Variants in TRIM31 observed in about 807,000 individuals in gnomAD.
TRIM31 encodes tripartite motif containing 31.
In TRIM31, 31 loss-of-function variants were observed where a neutral mutation model predicts 40.6. The ratio of observed to expected loss-of-function variants is 0.76; its 90% CI spans 0.57 to 1.03. TRIM31 has a LOEUF of 1.03. TRIM31 is among the 50% of genes least tolerant of loss of function. The pLI is 0.00. For missense variants in TRIM31, 455 were observed against 497.5 expected (o/e 0.91, Z 0.81); for synonymous variants, 164 against 193.9 (o/e 0.85, Z 1.28).
chr6:30,103,904 C>T (rs1768441254), intron 8 of TRIM31, 115 bp from the exon 9 acceptor site: 7 of 1,512,638 alleles, frequency 4.6e-6, no homozygotes, highest in Non-Finnish European at 5.4e-6. Context: ...GGAGGTGAAA[C>T]TCAAGAAAGT....
intron 1 of TRIM31, 70 bp downstream of exon 1, chr6:30,112,994 T>G: frequency 1.8e-6 from 1 of 548,844 alleles, no homozygotes; most frequent in Non-Finnish European, 3.1e-6. Context: ...AATAAAGAAA[T>G]GATAGAAAAG....
chr6:30,107,964 G>A (rs1488375216), intron 6 of TRIM31, 89 bp downstream of exon 6: 3 of 883,292 alleles, frequency 3.4e-6, no homozygotes, highest in Non-Finnish European at 5.4e-6. Flanking sequence ...TTGTTGGCAT[G>A]TATGAGTCAC....
intron 2 of TRIM31, 142 bp from the exon 3 acceptor site, chr6:30,111,885 C>T (rs1769368763): frequency 4.0e-6 from 3 of 747,312 alleles, no homozygotes; most frequent in Non-Finnish European, 6.7e-6. Flanking sequence ...CTCAAGCTGG[C>T]GGGGAAAGGG....
At chr6:30,105,403 G>A (rs1009403842) in intron 6 of TRIM31, 161 bp from the exon 7 acceptor site, 16 of 596,800 alleles carry the variant, frequency 2.7e-5, no homozygotes, top group Non-Finnish European at 2.9e-6. Flanking sequence ...CAACCCTTGA[G>A]AGATGCCCTT....
At chr6:30,111,484 C>T in intron 3 of TRIM31, 164 bp downstream of exon 3, 1 of 653,496 alleles carries the variant, frequency 1.5e-6, no homozygotes, top group Non-Finnish European at 2.6e-6. Context: ...AATAGCGAGG[C>T]CGACGCGGGA....
chr6:30,108,559 C>CAAAAAAA (rs28381623), intron 5 of TRIM31, among the ~76,000 whole-genome samples: 1 of 96,608 alleles, frequency 1.0e-5, no homozygotes, highest in African/African-American at 4.3e-5. Flanking sequence ...AGCTCCATCT[C>CAAAAAAA]AAAAAAAAAA....
chr6:30,112,253 G>T, intron 2 of TRIM31, 136 bp downstream of exon 2: 2 of 947,634 alleles, frequency 2.1e-6, no homozygotes, highest in Non-Finnish European at 1.6e-6. Context: ...CACTGTGCCT[G>T]ACTGCGAGCT....
chr6:30,105,192 T>C lies in TRIM31; in HGVS notation c.934A>G (p.Met312Val). Residue 312 changes from methionine to valine, a missense_variant, in exon 7 of 9, where the codon ATG becomes GTG. Coordinates refer to ENST00000376734, the MANE Select transcript of TRIM31 (RefSeq NM_007028.5). ...CAGCTCTTCATGTCATTTTTATTCA[T>C]GCTTTTGAAGAATCTGTTTTCATCT... ...KKDENRFFKS[M>V]NKNDMKSWGL... 1 of 1,612,890 alleles carries C rather than the reference T, an allele frequency of 6.2e-7. No individual in the cohort carries two copies. The highest frequency in any genetic ancestry group is 8.5e-7 in the Non-Finnish European group (1 of 1,179,982).
chr6:30,105,910 C>T (rs559666287), intron 6 of TRIM31, among the ~76,000 whole-genome samples: 1 of 152,294 alleles, frequency 6.6e-6, no homozygotes, highest in South Asian at 2.1e-4. Flanking sequence ...GCCCCACTCT[C>T]CTAAAGCCTG....
intron 4 of TRIM31, 24 bp downstream of exon 4, chr6:30,110,424 C>A: frequency 6.2e-7 from 1 of 1,610,642 alleles, no homozygotes; most frequent in African/African-American, 1.3e-5. Context: ...TACCTCTCTG[C>A]AATTCTGCCC....
intron 6 of TRIM31, 129 bp downstream of exon 6, chr6:30,107,924 C>G: frequency 1.5e-6 from 1 of 661,124 alleles, no homozygotes. Context: ...AGTACTCAGC[C>G]AGAAGCCTGG....
At chr6:30,112,972 G>C in intron 1 of TRIM31, 84 bp from the exon 2 acceptor site, 1 of 577,944 alleles carries the variant, frequency 1.7e-6, no homozygotes, top group Non-Finnish European at 2.8e-6. Flanking sequence ...AGGAAAAGAA[G>C]AGGGAGAAAA....
At chr6:30,110,791 T>C (rs1277214047) in intron 3 of TRIM31, 113 bp from the exon 4 acceptor site, 11 of 1,010,886 alleles carry the variant, frequency 1.1e-5, no homozygotes, top group Non-Finnish European at 1.5e-5. Context: ...ACCAGAGCAA[T>C]GTGCCAGGGC....
chr6:30,105,217 T>C lies in TRIM31; in HGVS notation c.909A>G (p.Lys303=), dbSNP rs776807504. The stretch of plus-strand genomic sequence containing the variant: ...TGCTTTTGAAGAATCTGTTTTCATC[T>C]TTTTTCCTATCAGCCTGGAGTTGGT... ...FKDQLQADRK[K]DENRFFKSMN... Residue 303 remains lysine (K), a synonymous_variant, in exon 7 of 9, where the codon AAA becomes AAG. Transcript: ENST00000376734. 2.5e-6 allele frequency: 4 copies of C among 1,612,496 alleles called. No homozygotes were observed. In the South Asian group the frequency reaches 4.4e-5, roughly 18 times the overall value.
At chr6:30,105,111 C>G in intron 7 of TRIM31, 57 bp downstream of exon 7, 7 of 1,472,410 alleles carry the variant, frequency 4.8e-6, no homozygotes, top group Non-Finnish European at 6.6e-6. Context: ...CACAATTCTT[C>G]CCCTTTTCTC....
chr6:30,106,734 G>C (rs754183018), intron 6 of TRIM31, among the ~76,000 whole-genome samples: 5 of 152,176 alleles, frequency 3.3e-5, no homozygotes, highest in Non-Finnish European at 7.3e-5. Flanking sequence ...ACCTGATGAA[G>C]TGGAAAGGGC....
intron 8 of TRIM31, 73 bp from the exon 9 acceptor site, chr6:30,103,862 C>T: frequency 6.3e-7 from 1 of 1,596,772 alleles, no homozygotes; most frequent in Middle Eastern, 2.2e-4. Flanking sequence ...TGCCAGACAG[C>T]ACAGCTGAGC....
intron 6 of TRIM31, among the ~76,000 whole-genome samples, chr6:30,105,963 G>C (rs373830655): frequency 1.7e-3 from 252 of 152,356 alleles, no homozygotes; most frequent in Middle Eastern, 6.8e-3. Context: ...GGGCTTGAGA[G>C]GGGGAACGAA....
intron 4 of TRIM31, among the ~76,000 whole-genome samples, chr6:30,110,132 T>G (rs1009524431): frequency 3.3e-5 from 5 of 152,104 alleles, no homozygotes; most frequent in Non-Finnish European, 2.9e-5. Flanking sequence ...TTCAGATATA[T>G]TGAGTTAAAA....
Sources: gnomAD v4.1 joint callset for allele counts (sites outside exome capture counted in the v4.1 genomes callset) on GRCh38, gnomAD v4.1.1 for gene constraint, MANE v1.5 for transcripts, NCBI Gene and HGNC (gene_info 2026-07-23, HGNC 2026-07-21) for gene names.